Variants in TAS2R1 observed in about 807,000 individuals in gnomAD.
TAS2R1 encodes the protein taste 2 receptor member 1, also known as taste receptor type 2 member 1.
For synonymous variants in TAS2R1, 141 were observed against 134.2 expected (o/e 1.05, Z -0.35); for missense variants, 370 against 353.4 (o/e 1.05, Z -0.38).
chr5:9,784,326 A>G, the TAS2R1 span, among the ~76,000 whole-genome samples: 3 of 152,174 alleles, frequency 2.0e-5, no homozygotes, highest in African/African-American at 7.2e-5. Context: ...TTGGGCTCTC[A>G]TACATCCAGG....
At chr5:9,835,315 T>TC in the TAS2R1 span, among the ~76,000 whole-genome samples, 1 of 152,166 alleles carries the variant, frequency 6.6e-6, no homozygotes, top group Non-Finnish European at 1.5e-5. Context: ...AGCCCTTGTG[T>TC]CCCCACATTC....
At chr5:9,704,332 T>C (rs1741556022) in intron 1 of TAS2R1, among the ~76,000 whole-genome samples, 3 of 151,752 alleles carry the variant, frequency 2.0e-5, no homozygotes, top group African/African-American at 7.3e-5. Context: ...CCATGTTCTT[T>C]ATCTACTTTC....
At chr5:9,893,237 C>G in the TAS2R1 span, among the ~76,000 whole-genome samples, 2 of 143,742 alleles carry the variant, frequency 1.4e-5, no homozygotes, top group South Asian at 2.2e-4. Context: ...GAGACAGAGT[C>G]TCAGATGCCC....
At chr5:9,630,683 AAAGT>A (rs1461945616), upstream of TAS2R1, among the ~76,000 whole-genome samples, 1 of 152,212 alleles carries the variant, frequency 6.6e-6, no homozygotes, top group Non-Finnish European at 1.5e-5. Context: ...GGCCTAAAGA[AAAGT>A]AAGGTGTAAT....
the TAS2R1 span, among the ~76,000 whole-genome samples, chr5:9,891,263 A>G: frequency 1.3e-5 from 2 of 152,218 alleles, no homozygotes; most frequent in African/African-American, 2.4e-5. Context: ...TCTATTAAGC[A>G]GGACGTTAAA....
chr5:9,691,292 C>T lies in TAS2R1; in HGVS notation c.-242+20880G>A, dbSNP rs563846016. Among the ~76,000 whole-genome samples the T allele has an allele frequency of 2.0e-5, 3 of 152,308 alleles. No homozygotes were observed. In the South Asian group the frequency reaches 6.2e-4, roughly 32 times the overall value. ...GCCTTGGGCCAAGGAATGCCTGGAG[C>T]CCCCAGAAGCCGGAAGAGGCAAGGA... On this transcript the variant is annotated intron_variant, in intron 1 of 2. Transcript: ENST00000506620.
At chr5:9,823,352 G>T in the TAS2R1 span, among the ~76,000 whole-genome samples, 62 of 151,956 alleles carry the variant, frequency 4.1e-4, no homozygotes, top group African/African-American at 1.4e-3. Flanking sequence ...TAATCCTACA[G>T]ATATGCTGAA....
the TAS2R1 span, among the ~76,000 whole-genome samples, chr5:9,742,229 TG>T: frequency 6.6e-6 from 1 of 152,112 alleles, no homozygotes; most frequent in Non-Finnish European, 1.5e-5. Flanking sequence ...ACTCTCCGAG[TG>T]TTTTGCTAAC....
At chr5:9,685,682 C>T (rs2126513541) in intron 1 of TAS2R1, among the ~76,000 whole-genome samples, 1 of 152,256 alleles carries the variant, frequency 6.6e-6, no homozygotes, top group South Asian at 2.1e-4. Flanking sequence ...GGTCTGATGG[C>T]TGCTGATACA....
At chr5:9,715,186 T>G (rs1262210981), upstream of TAS2R1, among the ~76,000 whole-genome samples, 1 of 152,184 alleles carries the variant, frequency 6.6e-6, no homozygotes, top group Non-Finnish European at 1.5e-5. Flanking sequence ...CTGAAAGAAC[T>G]AAACGTGTGT....
chr5:9,835,094 A>G, the TAS2R1 span, among the ~76,000 whole-genome samples: 1 of 152,216 alleles, frequency 6.6e-6, no homozygotes, highest in South Asian at 2.1e-4. Context: ...CAGCTTTCTA[A>G]GGCTCAGAAA....
chr5:9,792,533 C>A, the TAS2R1 span, among the ~76,000 whole-genome samples: 2 of 152,146 alleles, frequency 1.3e-5, no homozygotes, highest in Non-Finnish European at 2.9e-5. Flanking sequence ...ATTACTTGCA[C>A]GGCAGCTATT....
At chr5:9,745,241 G>T in the TAS2R1 span, among the ~76,000 whole-genome samples, 1 of 152,158 alleles carries the variant, frequency 6.6e-6, no homozygotes, top group Non-Finnish European at 1.5e-5. Flanking sequence ...GAAAAAGAGG[G>T]AGAAGTCAAT....
chr5:9,756,764 G>A, the TAS2R1 span, among the ~76,000 whole-genome samples: 4 of 152,078 alleles, frequency 2.6e-5, no homozygotes, highest in African/African-American at 9.7e-5. Flanking sequence ...AGGCAAAGTC[G>A]AAAGGGTTGT....
chr5:9,651,613 G>A (rs1047901028), intron 2 of TAS2R1, among the ~76,000 whole-genome samples: 15 of 152,078 alleles, frequency 9.9e-5, no homozygotes, highest in African/African-American at 1.2e-4. Context: ...AAAAGAGTAC[G>A]ACTCAAATTT....
chr5:9,777,457 G>C, the TAS2R1 span, among the ~76,000 whole-genome samples: 2 of 152,162 alleles, frequency 1.3e-5, no homozygotes, highest in Non-Finnish European at 2.9e-5. Flanking sequence ...CAATTCAGTC[G>C]CATCTTCGGG....
At chr5:9,638,149 G>A (rs1285476847) in intron 2 of TAS2R1, among the ~76,000 whole-genome samples, 1 of 152,170 alleles carries the variant, frequency 6.6e-6, no homozygotes, top group Non-Finnish European at 1.5e-5. Flanking sequence ...TTTCCCTAGG[G>A]ATGGGGCTTC....
the TAS2R1 span, among the ~76,000 whole-genome samples, chr5:9,874,336 T>G: frequency 2.0e-5 from 3 of 152,206 alleles, no homozygotes; most frequent in Non-Finnish European, 2.9e-5. Context: ...GGTGCTAGTT[T>G]TATTGTTTGC....
the TAS2R1 span, among the ~76,000 whole-genome samples, chr5:9,838,884 C>T: frequency 7.9e-5 from 12 of 152,228 alleles, no homozygotes; most frequent in Non-Finnish European, 1.6e-4. Flanking sequence ...TCAACACCAA[C>T]AGCAGGCTAA....
Sources: allele counts gnomAD v4.1 joint callset (sites outside exome capture counted in the v4.1 genomes callset), GRCh38; gene constraint gnomAD v4.1.1; transcripts MANE v1.5; gene names NCBI Gene and HGNC (gene_info 2026-07-23, HGNC 2026-07-21).